The following IDE variants were observed in gnomAD, a reference collection of about 807,000 sequenced individuals.
IDE encodes the protein insulin degrading enzyme.
Under a neutral mutation model 133.2 loss-of-function variants are expected in IDE, and 58 were observed. The observed-to-expected ratio is 0.44, with a 90% confidence interval of 0.35 to 0.54. IDE has a LOEUF of 0.54. Ranked by LOEUF, IDE falls within the 20% of genes least tolerant of loss-of-function variation. IDE has a pLI of 0.00. For missense variants in IDE, 981 were observed against 1,234.0 expected, an observed-to-expected ratio of 0.79 and a Z score of 3.07; for synonymous variants, 396 against 421.3, an observed-to-expected ratio of 0.94 and a Z score of 0.73.
chr10:92,537,843 A>G (rs991307229), intron 1 of IDE, among the ~76,000 whole-genome samples: 1 of 152,062 alleles, frequency 6.6e-6, no homozygotes, highest in African/African-American at 2.4e-5. Context: ...ATGCAGAACT[A>G]GAATAGAGTT....
chr10:92,539,678 C>T (rs534956691), intron 1 of IDE, among the ~76,000 whole-genome samples: 1 of 151,896 alleles, frequency 6.6e-6, no homozygotes, highest in Non-Finnish European at 1.5e-5. Context: ...GCAAGAGAAT[C>T]GCTTCAACCC....
At chr10:92,495,616 G>A (rs1847640614) in intron 11 of IDE, among the ~76,000 whole-genome samples, 1 of 152,088 alleles carries the variant, frequency 6.6e-6, no homozygotes, top group African/African-American at 2.4e-5. Context: ...CTCCTAAAGT[G>A]CTGGGACTAC....
chr10:92,534,364 GA>G (rs1257042245), intron 3 of IDE, among the ~76,000 whole-genome samples: 2 of 152,194 alleles, frequency 1.3e-5, no homozygotes, highest in East Asian at 3.8e-4. Context: ...AAGGGCTGCT[GA>G]AAATTCTATA....
intron 5 of IDE, among the ~76,000 whole-genome samples, chr10:92,510,618 T>C (rs1589445529): frequency 6.6e-6 from 1 of 151,712 alleles, no homozygotes; most frequent in South Asian, 2.1e-4. Flanking sequence ...GCACATTTTA[T>C]ATGTGTGTGT....
chr10:92,506,371 C>T, intron 10 of IDE, 71 bp downstream of exon 10: 1 of 704,446 alleles, frequency 1.4e-6, no homozygotes, highest in Non-Finnish European at 2.4e-6. Flanking sequence ...TCACTTATTA[C>T]TGAAAATATA....
chr10:92,566,700 G>A (rs985056084), intron 1 of IDE, among the ~76,000 whole-genome samples: 9 of 151,330 alleles, frequency 5.9e-5, no homozygotes, highest in African/African-American at 2.2e-4. Flanking sequence ...AGCACAACAG[G>A]GTGACTATAA....
At chr10:92,560,745 T>TG (rs1843240570) in intron 1 of IDE, among the ~76,000 whole-genome samples, 4 of 151,172 alleles carry the variant, frequency 2.6e-5, no homozygotes, top group Non-Finnish European at 5.9e-5. Context: ...ATGGAGCCAC[T>TG]GCACTCCAGC....
At chr10:92,485,218 C>T (rs1232523594) in intron 13 of IDE, among the ~76,000 whole-genome samples, 16 of 148,210 alleles carry the variant, frequency 1.1e-4, no homozygotes, top group Non-Finnish European at 1.9e-4. Flanking sequence ...ATCTCCACCT[C>T]CTGGGTTCAA....
At chr10:92,542,537 G>A (rs966068286) in intron 1 of IDE, among the ~76,000 whole-genome samples, 2 of 152,158 alleles carry the variant, frequency 1.3e-5, no homozygotes, top group East Asian at 1.9e-4. Flanking sequence ...AGAGACTGCC[G>A]CCTTGGCCTC....
intron 11 of IDE, among the ~76,000 whole-genome samples, chr10:92,496,786 A>AAAAAATAT (rs1451981593): frequency 6.6e-6 from 1 of 152,204 alleles, no homozygotes; most frequent in African/African-American, 2.4e-5. Context: ...ACTCTGTCTC[A>AAAAAATAT]AAAAATATAA....
chr10:92,524,984 G>C (rs1849549088), intron 4 of IDE, among the ~76,000 whole-genome samples: 1 of 151,822 alleles, frequency 6.6e-6, no homozygotes, highest in Non-Finnish European at 1.5e-5. Flanking sequence ...CACAGGGTCA[G>C]GTGTAATGGC....
At position 92,504,825 on chromosome 10, in the gene IDE, C is replaced by T. The variant is rs1848205599; in HGVS notation, c.1399G>A (p.Val467Ile). 1 of 1,595,540 alleles carries T rather than the reference C, an allele frequency of 6.3e-7. No individual in the cohort carries two copies. Among genetic ancestry groups the T allele is most frequent in the East Asian group, 2.3e-5 (1 of 44,178 alleles). The change falls in exon 11 of 25, where the codon GTT (valine) becomes ATT (isoleucine). Residue 467 changes from valine to isoleucine, a missense_variant. By Grantham distance (29) the Val-to-Ile change is conservative. Coordinates refer to ENST00000265986, the MANE Select transcript of IDE (RefSeq NM_004969.4). The stretch of plus-strand genomic sequence containing the variant: ...TTTTCTGGTCTGAGTTTATCGAGAA[C>T]CATCTCTATTAAGTCAGGTCTAAAT... ...EEFRPDLIEM[V>I]LDKLRPENVR...
chr10:92,488,547 A>G (rs185452841), intron 12 of IDE, among the ~76,000 whole-genome samples: 134 of 152,112 alleles, frequency 8.8e-4, no homozygotes, highest in African/African-American at 3.1e-3. Flanking sequence ...GGAGGCCAAG[A>G]TGTGCAGATC....
chr10:92,541,378 T>C (rs1842295792), intron 1 of IDE: 1 of 467,364 alleles, frequency 2.1e-6, no homozygotes, highest in Non-Finnish European at 4.4e-6. Flanking sequence ...TGTCTCTGTA[T>C]TTATACTCAT....
rs542982510 is a variant in IDE at position 92,572,859 on chromosome 10, C to T, written c.98+1063G>A. 43 of 983,382 alleles carry T rather than the reference C, an allele frequency of 4.4e-5. No individual in the cohort carries two copies. In the South Asian group the frequency reaches 1.8e-3, roughly 41 times the overall value. 60.9% of individuals were successfully genotyped at this position (983,382 alleles called of 1,614,324 possible). A position where few individuals can be genotyped will look rare whatever the true frequency, so the allele number is the denominator to read the frequency against. On this transcript the variant is annotated intron_variant, in intron 1 of 24. Coordinates refer to ENST00000265986, the MANE Select transcript of IDE (RefSeq NM_004969.4). Reference sequence around the variant, plus strand: ...TTCCAAAGCCAGCCTACCCCCCCATCTCTGGCCCCACACACTACCCATACT... The same window carrying T: ...TTCCAAAGCCAGCCTACCCCCCCATTTCTGGCCCCACACACTACCCATACT...
At position 92,456,443 on chromosome 10, in the gene IDE, G is replaced by A; in HGVS notation, c.2824-12C>T. On this transcript the variant is annotated splice_polypyrimidine_tract_variant and intron_variant, in intron 22 of 24. Coordinates refer to ENST00000265986, the MANE Select transcript of IDE (RefSeq NM_004969.4). ...ACTGCCAACATTTCCTAGGCACAAA[G>A]AAGAGCAGGGTCACCCTTTTGCTCC... The A allele has an allele frequency of 6.3e-7, 1 of 1,599,444 alleles. No homozygotes were observed. The highest frequency in any genetic ancestry group is 8.6e-7 in the Non-Finnish European group (1 of 1,166,594).
chr10:92,510,489 G>T (rs1185500878), intron 5 of IDE, among the ~76,000 whole-genome samples: 2 of 152,058 alleles, frequency 1.3e-5, no homozygotes, highest in African/African-American at 4.8e-5. Context: ...TACATAGACA[G>T]AGAATTGCCT....
intron 4 of IDE, among the ~76,000 whole-genome samples, chr10:92,523,493 C>T (rs1368607285): frequency 6.8e-6 from 1 of 147,192 alleles, no homozygotes; most frequent in Non-Finnish European, 1.5e-5. Flanking sequence ...GACCTGAGGT[C>T]AGGAATTCGA....
intron 11 of IDE, among the ~76,000 whole-genome samples, chr10:92,499,834 T>C (rs963957552): frequency 3.3e-5 from 5 of 152,238 alleles, no homozygotes; most frequent in African/African-American, 1.2e-4. Flanking sequence ...GGAAGTTTTA[T>C]AGATTTAGTG....
Sources: allele counts gnomAD v4.1 joint callset (sites outside exome capture counted in the v4.1 genomes callset), GRCh38; gene constraint gnomAD v4.1.1; transcripts MANE v1.5; gene names NCBI Gene and HGNC (gene_info 2026-07-23, HGNC 2026-07-21).